ELK3: variants seen among roughly 807,000 people sequenced by gnomAD.
The protein encoded by ELK3 is ETS domain-containing protein Elk-3.
Under a neutral mutation model 28.9 loss-of-function variants are expected in ELK3, and 10 were observed. The ratio of observed to expected loss-of-function variants is 0.35; its 90% CI spans 0.21 to 0.59. ELK3 has a LOEUF of 0.59. Ranked by LOEUF, ELK3 falls within the 20% of genes least tolerant of loss-of-function variation. The pLI is 0.82. For synonymous variants in ELK3, 272 were observed against 243.5 expected (o/e 1.12, Z -1.09); for missense variants, 463 against 517.3 (o/e 0.90, Z 1.02).
At chr12:96,205,849 C>G (rs932171730) in intron 1 of ELK3, among the ~76,000 whole-genome samples, 1 of 152,228 alleles carries the variant, frequency 6.6e-6, no homozygotes, top group Non-Finnish European at 1.5e-5. Context: ...GCCAGTCAGC[C>G]ACTTGGCGTT....
intron 4 of ELK3, among the ~76,000 whole-genome samples, chr12:96,264,483 C>CTAAA (rs1271441095): frequency 2.0e-5 from 3 of 152,056 alleles, no homozygotes; most frequent in Non-Finnish European, 4.4e-5. Context: ...GGAAATGCTA[C>CTAAA]TAAATAACAA....
chr12:96,196,342 G>C (rs1229674575), intron 1 of ELK3, among the ~76,000 whole-genome samples: 1 of 151,968 alleles, frequency 6.6e-6, no homozygotes, highest in South Asian at 2.1e-4. Flanking sequence ...TTTCCCGCGT[G>C]TGTATGTGTG....
chr12:96,219,676 G>A (rs1299290256), intron 1 of ELK3, among the ~76,000 whole-genome samples: 1 of 152,190 alleles, frequency 6.6e-6, no homozygotes, highest in Non-Finnish European at 1.5e-5. Context: ...CAGAGAGGAT[G>A]GTGGGTCCCA....
chr12:96,227,875 G>A (rs561427792), intron 2 of ELK3, among the ~76,000 whole-genome samples: 6 of 152,318 alleles, frequency 3.9e-5, no homozygotes, highest in Non-Finnish European at 7.4e-5. Flanking sequence ...TGGGGCTGTG[G>A]TGGGATTCAT....
At chr12:96,210,617 G>A (rs1951572141) in intron 1 of ELK3, among the ~76,000 whole-genome samples, 1 of 150,074 alleles carries the variant, frequency 6.7e-6, no homozygotes, top group African/African-American at 2.5e-5. Context: ...GGAGGTCCAG[G>A]GGCACCGACT....
At chr12:96,266,462 A>G (rs1952030875) in intron 4 of ELK3, among the ~76,000 whole-genome samples, 3 of 152,184 alleles carry the variant, frequency 2.0e-5, no homozygotes, top group Non-Finnish European at 4.4e-5. Flanking sequence ...TACTATATTT[A>G]TCATCTTAGT....
intron 2 of ELK3, among the ~76,000 whole-genome samples, chr12:96,224,555 A>G (rs1951686622): frequency 6.6e-6 from 1 of 152,250 alleles, no homozygotes; most frequent in Non-Finnish European, 1.5e-5. Flanking sequence ...TAAGTCATAG[A>G]GATGAGGCAG....
chr12:96,240,743 G>A (rs908404508), intron 2 of ELK3, among the ~76,000 whole-genome samples: 1 of 152,206 alleles, frequency 6.6e-6, no homozygotes, highest in Non-Finnish European at 1.5e-5. Context: ...GGGCAGGAGC[G>A]CTGTGTTTCC....
chr12:96,250,206 A>G (rs1195869672), intron 3 of ELK3, among the ~76,000 whole-genome samples: 1 of 151,990 alleles, frequency 6.6e-6, no homozygotes, highest in East Asian at 1.9e-4. Flanking sequence ...CGGGACTCAG[A>G]CCCCACTTTG....
chr12:96,224,030 A>G (rs4762138), intron 2 of ELK3: 141,920 of 470,908 alleles, frequency 0.3, 26,317 homozygotes, highest in East Asian at 0.83. Context: ...TTTGCTCACA[A>G]TACAAATGAG....
chr12:96,259,570 CT>C (rs1352428237), intron 3 of ELK3, among the ~76,000 whole-genome samples, 160 bp from the exon 4 acceptor site: 1 of 152,148 alleles, frequency 6.6e-6, no homozygotes, highest in Non-Finnish European at 1.5e-5. Flanking sequence ...TAAAATTAAA[CT>C]GTTCACAGCC....
intron 2 of ELK3, among the ~76,000 whole-genome samples, chr12:96,242,141 C>T (rs997585659): frequency 7.2e-5 from 11 of 152,148 alleles, no homozygotes; most frequent in South Asian, 2.1e-4. Flanking sequence ...GGTGGAAACC[C>T]GACTTTTTCT....
chr12:96,240,397 G>C (rs1406828456), intron 2 of ELK3, among the ~76,000 whole-genome samples: 2 of 152,138 alleles, frequency 1.3e-5, no homozygotes, highest in Non-Finnish European at 2.9e-5. Context: ...TGTCATGCGT[G>C]GATGCATCGG....
At chr12:96,250,132 G>A (rs986905645) in intron 3 of ELK3, among the ~76,000 whole-genome samples, 2 of 152,184 alleles carry the variant, frequency 1.3e-5, no homozygotes, top group Admixed American at 6.5e-5. Context: ...AGGGGCACCA[G>A]GCAGTCCTCT....
At chr12:96,251,996 G>A (rs1951910697) in intron 3 of ELK3, among the ~76,000 whole-genome samples, 1 of 152,226 alleles carries the variant, frequency 6.6e-6, no homozygotes, top group Non-Finnish European at 1.5e-5. Flanking sequence ...TGCCATCTAG[G>A]ACTTTCATAG....
Position 96,201,472 on chromosome 12 carries a change from A to C in ELK3, c.-3+6767A>C, listed in dbSNP as rs575585263. Among the ~76,000 whole-genome samples, 8 of 151,130 alleles carry C rather than the reference A, an allele frequency of 5.3e-5. No homozygotes were observed. The South Asian group carries it at 1.1e-3, about 20-fold the overall frequency. ...CCCATCTCTGCCAAAAATTAGCTAG[A>C]CGTGGTGGTGCGTGCCAGTAGTCCC... On this transcript the variant is annotated intron_variant, in intron 1 of 4. Coordinates refer to ENST00000228741, the MANE Select transcript of ELK3 (RefSeq NM_005230.4).
chr12:96,201,281 T>C (rs980331751), intron 1 of ELK3, among the ~76,000 whole-genome samples: 2 of 152,076 alleles, frequency 1.3e-5, no homozygotes, highest in Non-Finnish European at 2.9e-5. Context: ...GAGAGGATAT[T>C]AGTAAATCTT....
intron 1 of ELK3, among the ~76,000 whole-genome samples, chr12:96,202,359 T>C (rs1292334514): frequency 6.6e-6 from 1 of 152,042 alleles, no homozygotes; most frequent in Non-Finnish European, 1.5e-5. Flanking sequence ...GACAGAATTT[T>C]CCCCCCGACC....
At position 96,194,377 on chromosome 12, in the gene ELK3, G is replaced by A. The variant is rs551266619; in HGVS notation, c.-331G>A. ...GGGGCCGGGGCGGCGGGGGAGGCGCGGGCCTGGGCGGCCAGCCCCGGCGCA... is the reference window on the plus strand; with the variant it reads ...GGGGCCGGGGCGGCGGGGGAGGCGCAGGCCTGGGCGGCCAGCCCCGGCGCA... On this transcript the variant is annotated 5_prime_UTR_variant, in exon 1 of 5. Transcript: ENST00000228741. The A allele has an allele frequency of 0.012, 1,728 of 146,452 alleles. 24 individuals are homozygous for A. The highest frequency in any genetic ancestry group is 0.02 in the Non-Finnish European group (1,329 of 65,768). 9.1% of individuals were successfully genotyped at this position (146,452 alleles called of 1,614,324 possible).
Sources: gnomAD v4.1 joint callset for allele counts (sites outside exome capture counted in the v4.1 genomes callset) on GRCh38, gnomAD v4.1.1 for gene constraint, MANE v1.5 for transcripts, NCBI Gene and HGNC (gene_info 2026-07-23, HGNC 2026-07-21) for gene names.